TMEM89: variants seen among roughly 807,000 people sequenced by gnomAD.
The protein encoded by TMEM89 is transmembrane protein 89.
Under a neutral mutation model 9.3 loss-of-function variants are expected in TMEM89, and 4 were observed. That is an observed-to-expected ratio of 0.43 (90% CI 0.21 to 0.98). The LOEUF is 0.98. TMEM89 is among the 50% of genes least tolerant of loss of function. TMEM89 has a pLI of 0.27. For missense variants in TMEM89, 220 were observed against 214.7 expected (o/e 1.02, Z -0.15); for synonymous variants, 96 against 92.5 (o/e 1.04, Z -0.21).
chr3:48,621,104 G>GGGGAGCA, intron 1 of TMEM89, 77 bp from the exon 2 acceptor site: 1 of 1,468,532 alleles, frequency 6.8e-7, no homozygotes, highest in South Asian at 1.2e-5. Context: ...TGATGGAGCT[G>GGGGAGCA]GGGAGCAGGG....
intron 1 of TMEM89, 40 bp downstream of exon 1, chr3:48,621,423 G>C (rs1471819718): frequency 1.9e-6 from 3 of 1,600,606 alleles, no homozygotes; most frequent in Non-Finnish European, 1.7e-6. Context: ...TACGTATATT[G>C]AGGCAGGGGC....
Position 48,621,079 on chromosome 3 carries a change from T to C in TMEM89, c.295-52A>G, listed in dbSNP as rs896517102. On this transcript the variant is annotated intron_variant, in intron 1 of 1. Transcript: ENST00000330862. ...TGAGAATGGTGGGCAGAGAGGGAGA[T>C]GTGACAAGGGGCAGTGATGGAGCTG... The C allele has an allele frequency of 1.0e-5, 16 of 1,581,702 alleles. 1 individual carries two copies. Among genetic ancestry groups the C allele is most frequent in the Non-Finnish European group, 1.2e-5 (14 of 1,154,990 alleles).
rs2046532782 is a variant in TMEM89 at position 48,620,902 on chromosome 3, T to C, written c.420A>G (p.Leu140=). Residue 140 remains leucine, a synonymous_variant, in exon 2 of 2, where the codon CTA becomes CTG. Transcript: ENST00000330862. ...DALLVHIEGH[L]RHLATQRQIQ... Reference sequence around the variant, plus strand: ...TTTGCCGCTGGGTGGCTAGATGACGTAGGTGGCCTTCGATGTGGACCAGGA... The same window carrying C: ...TTTGCCGCTGGGTGGCTAGATGACGCAGGTGGCCTTCGATGTGGACCAGGA... The C allele has an allele frequency of 1.2e-6, 2 of 1,613,918 alleles. No individual in the cohort carries two copies. The highest frequency in any genetic ancestry group is 1.7e-5 in the Admixed American group (1 of 59,990).
At chr3:48,621,166 T>TA (rs2046536301) in intron 1 of TMEM89, 139 bp from the exon 2 acceptor site, 3 of 902,528 alleles carry the variant, frequency 3.3e-6, no homozygotes, top group East Asian at 2.5e-5. Context: ...CTCAGGGTGA[T>TA]AGAGGATCAC....
rs1179792878 is a variant in TMEM89 at position 48,621,695 on chromosome 3, TG to T, written c.61del (p.His21ThrfsTer32). ...LLLLVTSAST[H>X]AWSRPLWYQV... ...GTACCAGAGGGGTCTCGACCAGGCG[TG>T]GGTGGAGGCAGACGTCACCAGCAGG... On this transcript the variant is annotated frameshift_variant, in exon 1 of 2. Coordinates refer to ENST00000330862, the MANE Select transcript of TMEM89 (RefSeq NM_001008269.3). LOFTEE classifies it high-confidence loss of function. 1 of 1,613,654 alleles carries T rather than the reference TG, an allele frequency of 6.2e-7. No individual in the cohort carries two copies. The highest frequency in any genetic ancestry group is 2.2e-5 in the East Asian group (1 of 44,880).
chr3:48,621,050 GGAGT>G (rs1228597374), intron 1 of TMEM89, 23 bp from the exon 2 acceptor site: 2 of 1,608,478 alleles, frequency 1.2e-6, no homozygotes, highest in African/African-American at 2.7e-5. Flanking sequence ...CCAAGAGGCA[GGAGT>G]GAGAATGGTG....
chr3:48,621,046 GGCA>G lies in TMEM89; in HGVS notation c.295-22_295-20del. ...GCGGATGCTGAGACCAGGACCAAGA[GGCA>G]GGAGTGAGAATGGTGGGCAGAGAGG... On this transcript the variant is annotated intron_variant, in intron 1 of 1. Coordinates refer to ENST00000330862, the MANE Select transcript of TMEM89 (RefSeq NM_001008269.3). The G allele has an allele frequency of 6.2e-7, 1 of 1,609,422 alleles. No homozygotes were observed. Among genetic ancestry groups the G allele is most frequent in the African/African-American group, 1.3e-5 (1 of 74,940 alleles).
chr3:48,620,970 C>T lies in TMEM89; in HGVS notation c.352G>A (p.Asp118Asn), dbSNP rs531144661. ...AGGACCCCACGGAGCAGGGTGTGGT[C>T]TGAGATTGGGGCCCGCCGTTTCCAG... ...GPWKRRAPISDHTLLRGVLHM... is the reference protein window; with the variant it reads ...GPWKRRAPISNHTLLRGVLHM... Residue 118 changes from aspartate (D) to asparagine (N), a missense_variant, in exon 2 of 2, where the codon GAC (aspartate) becomes AAC (asparagine). By Grantham distance (23) the Asp-to-Asn change is conservative. Transcript: ENST00000330862. The T allele has an allele frequency of 1.9e-6, 3 of 1,614,080 alleles. No homozygotes were observed. In the African/African-American group the frequency reaches 4.0e-5, roughly 22 times the overall value.
chr3:48,621,012 T>C lies in TMEM89; in HGVS notation c.310A>G (p.Thr104Ala). 6.2e-7 allele frequency: 1 copy of C among 1,613,800 alleles called. No individual in the cohort carries two copies. The highest frequency in any genetic ancestry group is 8.5e-7 in the Non-Finnish European group (1 of 1,179,860). The change falls in exon 2 of 2, where the codon ACT (threonine) becomes GCT (alanine). Residue 104 changes from threonine to alanine, a missense_variant. Coordinates refer to ENST00000330862, the MANE Select transcript of TMEM89 (RefSeq NM_001008269.3). The stretch of plus-strand genomic sequence containing the variant: ...CGTTTCCAGGGTCCGCAGGGCTCAG[T>C]GGTCACCTGCGGATGCTGAGACCAG... ...ATKGEHPQVTTEPCGPWKRRA... is the reference protein window; with the variant it reads ...ATKGEHPQVTAEPCGPWKRRA...
chr3:48,620,830 G>T lies in TMEM89; in HGVS notation c.*12C>A, dbSNP rs2046531866. On this transcript the variant is annotated 3_prime_UTR_variant, in exon 2 of 2. Coordinates refer to ENST00000330862, the MANE Select transcript of TMEM89 (RefSeq NM_001008269.3). The stretch of plus-strand genomic sequence containing the variant: ...ACCTCAGGCTGTCAGGCAAAGAGAG[G>T]CACATGTTCGGTCACCCACTCTGGG... 6 of 1,613,716 alleles carry T rather than the reference G, an allele frequency of 3.7e-6. No homozygotes were observed. Among genetic ancestry groups the T allele is most frequent in the Non-Finnish European group, 5.1e-6 (6 of 1,179,592 alleles).
At position 48,621,685 on chromosome 3, in the gene TMEM89, C is replaced by G. The variant is rs759178247; in HGVS notation, c.72G>C (p.Ser24=). The change falls in exon 1 of 2, where the codon TCG becomes TCC. Residue 24 remains serine, a synonymous_variant. Transcript: ENST00000330862. ...GCCCCACCTGGTACCAGAGGGGTCT[C>G]GACCAGGCGTGGGTGGAGGCAGACG... is the stretch of plus-strand genomic sequence containing the variant. ...LVTSASTHAW[S]RPLWYQVGLD... 7 of 1,613,802 alleles carry G rather than the reference C, an allele frequency of 4.3e-6. No individual in the cohort carries two copies. Among genetic ancestry groups the G allele is most frequent in the Non-Finnish European group, 5.9e-6 (7 of 1,179,982 alleles).
At chr3:48,621,191 G>A (rs1009764030) in intron 1 of TMEM89, among the ~76,000 whole-genome samples, 164 bp from the exon 2 acceptor site, 1 of 152,116 alleles carries the variant, frequency 6.6e-6, no homozygotes, top group South Asian at 2.1e-4. Flanking sequence ...GGTCTGTTGT[G>A]GGCTACAGTG....
Position 48,620,897 on chromosome 3 carries a change from T to C in TMEM89, c.425A>G (p.His142Arg). The change falls in exon 2 of 2, where the codon CAT (histidine) becomes CGT (arginine). Residue 142 changes from histidine (H) to arginine (R), a missense_variant. Transcript: ENST00000330862. Reference sequence around the variant, plus strand: ...TTGGATTTGCCGCTGGGTGGCTAGATGACGTAGGTGGCCTTCGATGTGGAC... The same window carrying C: ...TTGGATTTGCCGCTGGGTGGCTAGACGACGTAGGTGGCCTTCGATGTGGAC... Reference protein sequence around the residue: ...LLVHIEGHLRHLATQRQIQIK... With the variant: ...LLVHIEGHLRRLATQRQIQIK... 1 of 1,614,112 alleles carries C rather than the reference T, an allele frequency of 6.2e-7. No homozygotes were observed. Among genetic ancestry groups the C allele is most frequent in the Non-Finnish European group, 8.5e-7 (1 of 1,180,010 alleles).
Position 48,620,997 on chromosome 3 carries a change from G to T in TMEM89, c.325C>A (p.Pro109Thr). 6.2e-7 allele frequency: 1 copy of T among 1,614,070 alleles called. No homozygotes were observed. Among genetic ancestry groups the T allele is most frequent in the Non-Finnish European group, 8.5e-7 (1 of 1,179,996 alleles). Residue 109 changes from proline (P) to threonine (T), a missense_variant, in exon 2 of 2, where the codon CCC (proline) becomes ACC (threonine). Transcript: ENST00000330862. ...GAGATTGGGGCCCGCCGTTTCCAGG[G>T]TCCGCAGGGCTCAGTGGTCACCTGC... is the stretch of plus-strand genomic sequence containing the variant. ...HPQVTTEPCG[P>T]WKRRAPISDH...
intron 1 of TMEM89, 115 bp from the exon 2 acceptor site, chr3:48,621,142 G>A (rs1559461021): frequency 9.5e-7 from 1 of 1,052,164 alleles, no homozygotes; most frequent in Non-Finnish European, 1.4e-6. Flanking sequence ...TGCCCAGATG[G>A]GATGGGAGGG....
At chr3:48,621,093 G>A in intron 1 of TMEM89, 66 bp from the exon 2 acceptor site, 1 of 1,537,772 alleles carries the variant, frequency 6.5e-7, no homozygotes, top group Admixed American at 1.7e-5. Flanking sequence ...ACAAGGGGCA[G>A]TGATGGAGCT....
Position 48,620,964 on chromosome 3 carries a change from T to A in TMEM89, c.358A>T (p.Thr120Ser). 1 of 1,613,666 alleles carries A rather than the reference T, an allele frequency of 6.2e-7. No individual in the cohort carries two copies. ...WKRRAPISDH[T>S]LLRGVLHMLD... ...ATGTGCAGGACCCCACGGAGCAGGG[T>A]GTGGTCTGAGATTGGGGCCCGCCGT... The change falls in exon 2 of 2, where the codon ACC becomes TCC. Residue 120 changes from threonine to serine, a missense_variant. Thr to Ser is a moderately conservative substitution (Grantham distance 58, BLOSUM62 1). Coordinates refer to ENST00000330862, the MANE Select transcript of TMEM89 (RefSeq NM_001008269.3).
At chr3:48,621,084 C>T in intron 1 of TMEM89, 57 bp from the exon 2 acceptor site, 1 of 1,571,578 alleles carries the variant, frequency 6.4e-7, no homozygotes, top group South Asian at 1.1e-5. Context: ...GGAGATGTGA[C>T]AAGGGGCAGT....
Position 48,621,039 on chromosome 3 carries a change from A to T in TMEM89, c.295-12T>A, listed in dbSNP as rs1258635381. The T allele has an allele frequency of 1.2e-6, 2 of 1,611,022 alleles. No homozygotes were observed. Among genetic ancestry groups the T allele is most frequent in the East Asian group, 4.5e-5 (2 of 44,784 alleles). On this transcript the variant is annotated splice_polypyrimidine_tract_variant and intron_variant, in intron 1 of 1. Transcript: ENST00000330862. The stretch of plus-strand genomic sequence containing the variant: ...GTCACCTGCGGATGCTGAGACCAGG[A>T]CCAAGAGGCAGGAGTGAGAATGGTG...
Sources: allele counts gnomAD v4.1 joint callset (sites outside exome capture counted in the v4.1 genomes callset), GRCh38; gene constraint gnomAD v4.1.1; transcripts MANE v1.5; gene names NCBI Gene and HGNC (gene_info 2026-07-23, HGNC 2026-07-21).